Variants in CSNK1G1 observed in about 807,000 individuals in gnomAD.
CSNK1G1 encodes casein kinase 1 gamma 1, also known as casein kinase I isoform gamma-1.
Under a neutral mutation model 59.6 loss-of-function variants are expected in CSNK1G1, and 22 were observed. That is an observed-to-expected ratio of 0.37 (90% CI 0.26 to 0.53). The LOEUF (loss-of-function observed/expected upper bound fraction) is 0.53, where lower values mean the gene tolerates loss of function less well. Ranked by LOEUF, CSNK1G1 falls within the 20% of genes least tolerant of loss-of-function variation. The pLI is 0.89. For synonymous variants in CSNK1G1, 179 were observed against 177.1 expected (o/e 1.01, Z -0.08); for missense variants, 384 against 519.5 (o/e 0.74, Z 2.54).
rs989796090 is a variant in CSNK1G1 at position 64,168,121 on chromosome 15, A to T, written c.*3810T>A. The T allele has an allele frequency of 6.6e-6, 1 of 152,628 alleles. No homozygotes were observed. The highest frequency in any genetic ancestry group is 1.9e-4 in the East Asian group (1 of 5,198). 9.5% of individuals were successfully genotyped at this position (152,628 alleles called of 1,614,324 possible). A position where few individuals can be genotyped will look rare whatever the true frequency, so the allele number is the denominator to read the frequency against. On this transcript the variant is annotated 3_prime_UTR_variant, in exon 12 of 12. Coordinates refer to ENST00000303052, the MANE Select transcript of CSNK1G1 (RefSeq NM_022048.5). The stretch of plus-strand genomic sequence containing the variant: ...TTCTAAGTACTTGGAGTTCATTTAG[A>T]AAAAAGAGACAATCAACATGTCTAG...
At chr15:64,310,051 T>G (rs980185702) in intron 1 of CSNK1G1, among the ~76,000 whole-genome samples, 1 of 139,400 alleles carries the variant, frequency 7.2e-6, no homozygotes, top group Non-Finnish European at 1.6e-5. Flanking sequence ...AGGTCAAGAC[T>G]GTAGTGAGCT....
intron 4 of CSNK1G1, among the ~76,000 whole-genome samples, chr15:64,230,148 C>T (rs1458743524): frequency 3.3e-5 from 5 of 151,364 alleles, no homozygotes; most frequent in Non-Finnish European, 7.4e-5. Context: ...TCACCTGACG[C>T]GCTGGGCCTC....
chr15:64,198,642 T>TTGAAAGGAATTAGTCTAGAAAA (rs2082066848), intron 10 of CSNK1G1, among the ~76,000 whole-genome samples: 1 of 152,062 alleles, frequency 6.6e-6, no homozygotes, highest in African/African-American at 2.4e-5. Flanking sequence ...TTTTGCTAAT[T>TTGAAAGGAATTAGTCTAGAAAA]TCAAAACTTG....
intron 4 of CSNK1G1, among the ~76,000 whole-genome samples, chr15:64,250,128 T>G (rs1363011572): frequency 6.6e-6 from 1 of 152,158 alleles, no homozygotes. Flanking sequence ...GAACAACAAT[T>G]AAAATGTAGT....
rs2081596990 is a variant in CSNK1G1, at chr15:64,165,866, A to G, written c.*6065T>C. 4.3e-6 allele frequency: 2 copies of G among 465,094 alleles called. No homozygotes were observed. The highest frequency in any genetic ancestry group is 7.6e-6 in the Non-Finnish European group (2 of 263,558). 28.8% of individuals were successfully genotyped at this position (465,094 alleles called of 1,614,324 possible). On this transcript the variant is annotated 3_prime_UTR_variant, in exon 12 of 12. Transcript: ENST00000303052. ...TCCATGGTGCCCTAGGAAATGGGCT[A>G]CTCTGAGATCACATATCAGAACCCA...
intron 2 of CSNK1G1, among the ~76,000 whole-genome samples, chr15:64,292,348 G>A (rs549207563): frequency 5.9e-5 from 9 of 152,286 alleles, no homozygotes; most frequent in African/African-American, 1.9e-4. Flanking sequence ...TAGAAGCCAT[G>A]CAGGAGTGTC....
intron 2 of CSNK1G1, among the ~76,000 whole-genome samples, chr15:64,276,884 T>TTG (rs1893651018): frequency 1.3e-5 from 2 of 150,756 alleles, no homozygotes; most frequent in African/African-American, 4.9e-5. Flanking sequence ...GAGGCAGAGC[T>TTG]TGCAGTGAGC....
At position 64,191,666 on chromosome 15, in the gene CSNK1G1, T is replaced by G. The variant is rs550987575; in HGVS notation, c.1108-11212A>C. Reference sequence around the variant, plus strand: ...TTCCATCTCCATTCTCAAAGCAATATGCTATTTATCTTTTAAAGATAAATA... The same window carrying G: ...TTCCATCTCCATTCTCAAAGCAATAGGCTATTTATCTTTTAAAGATAAATA... On this transcript the variant is annotated intron_variant, in intron 10 of 11. Coordinates refer to ENST00000303052, the MANE Select transcript of CSNK1G1 (RefSeq NM_022048.5). 3.3e-5 allele frequency among the ~76,000 whole-genome samples: 5 copies of G among 152,328 alleles called. No individual in the cohort carries two copies. In the East Asian group the frequency reaches 9.6e-4, roughly 29 times the overall value.
At chr15:64,259,287 G>A (rs971797849) in intron 2 of CSNK1G1, 46 bp from the exon 3 acceptor site, 2 of 1,459,584 alleles carry the variant, frequency 1.4e-6, no homozygotes, top group East Asian at 2.3e-5. Context: ...ATTTATTCTG[G>A]GAAAAGCAAA....
intron 1 of CSNK1G1, among the ~76,000 whole-genome samples, chr15:64,325,709 A>G (rs1365449798): frequency 6.6e-6 from 1 of 152,206 alleles, no homozygotes; most frequent in Non-Finnish European, 1.5e-5. Flanking sequence ...ACTGCATACC[A>G]GGCACTATGC....
intron 2 of CSNK1G1, among the ~76,000 whole-genome samples, chr15:64,293,417 C>T (rs1251933816): frequency 6.6e-6 from 1 of 152,200 alleles, no homozygotes; most frequent in Non-Finnish European, 1.5e-5. Flanking sequence ...CCCTATCAGA[C>T]TGTCATAGAT....
At position 64,171,721 on chromosome 15, in the gene CSNK1G1, G is replaced by C; in HGVS notation, c.*210C>G. On this transcript the variant is annotated 3_prime_UTR_variant, in exon 12 of 12. Transcript: ENST00000303052. The surrounding 1 kb of genome is among the most constrained non-coding windows in gnomAD (Gnocchi z 4.8). ...TGGAGGAACAGCAGCTCTGGGACCTGCTCAGAGCCTTAGGCAGGCGGAGAT... is the reference window on the plus strand; with the variant it reads ...TGGAGGAACAGCAGCTCTGGGACCTCCTCAGAGCCTTAGGCAGGCGGAGAT... 1 of 600,550 alleles carries C rather than the reference G, an allele frequency of 1.7e-6. No homozygotes were observed. Among genetic ancestry groups the C allele is most frequent in the Admixed American group, 2.9e-5 (1 of 34,090 alleles). 37.2% of individuals were successfully genotyped at this position (600,550 alleles called of 1,614,324 possible).
chr15:64,313,204 G>A (rs1161856613), intron 1 of CSNK1G1, among the ~76,000 whole-genome samples: 1 of 150,828 alleles, frequency 6.6e-6, no homozygotes, highest in Admixed American at 6.6e-5. Flanking sequence ...ATTCCTCAAG[G>A]ATCTAGAACT....
chr15:64,247,830 A>T (rs1344628563), intron 4 of CSNK1G1, among the ~76,000 whole-genome samples: 1 of 152,224 alleles, frequency 6.6e-6, no homozygotes, highest in African/African-American at 2.4e-5. Context: ...TTAATGTCTC[A>T]AGCTCTGGAT....
At chr15:64,314,138 C>T (rs928258527) in intron 1 of CSNK1G1, among the ~76,000 whole-genome samples, 2 of 152,112 alleles carry the variant, frequency 1.3e-5, no homozygotes, top group Admixed American at 1.3e-4. Context: ...TGTGTTCTTG[C>T]TATGTAGCCC....
intron 10 of CSNK1G1, among the ~76,000 whole-genome samples, chr15:64,182,712 C>T (rs142176207): frequency 4.7e-4 from 71 of 152,346 alleles, no homozygotes; most frequent in African/African-American, 1.7e-3. Flanking sequence ...CAAACACACA[C>T]ACACACTTTC....
At chr15:64,282,243 C>T (rs1418408267) in intron 2 of CSNK1G1, among the ~76,000 whole-genome samples, 1 of 152,072 alleles carries the variant, frequency 6.6e-6, no homozygotes, top group Non-Finnish European at 1.5e-5. Context: ...CTTTCTATCT[C>T]TACACAATTG....
chr15:64,244,005 C>T (rs1891618177), intron 4 of CSNK1G1, among the ~76,000 whole-genome samples: 1 of 151,540 alleles, frequency 6.6e-6, no homozygotes, highest in Non-Finnish European at 1.5e-5. Flanking sequence ...CCCGTCTCTA[C>T]TAAAAATACA....
intron 1 of CSNK1G1, among the ~76,000 whole-genome samples, chr15:64,319,363 C>T (rs942529172): frequency 1.3e-5 from 2 of 151,904 alleles, no homozygotes; most frequent in Non-Finnish European, 2.9e-5. Context: ...ATTATTAAAA[C>T]GCATCTACTC....
Sources: allele counts gnomAD v4.1 joint callset (sites outside exome capture counted in the v4.1 genomes callset), GRCh38; gene constraint gnomAD v4.1.1; non-coding constraint Gnocchi (gnomAD v3.1); transcripts MANE v1.5; gene names NCBI Gene and HGNC (gene_info 2026-07-23, HGNC 2026-07-21).